LINC00632: variants seen among roughly 807,000 people sequenced by gnomAD.
LINC00632 encodes the protein ALDOA related specific transcript.
At chrX:140,769,771 G>A (rs928044593) in intron 3 of LINC00632, among the ~76,000 whole-genome samples, 2 of 110,261 alleles carry the variant, frequency 1.8e-5, no homozygotes, top group African/African-American at 6.6e-5. Flanking sequence ...CAGCAATTTC[G>A]TGCCTCCGCC....
chrX:140,774,849 G>T (rs1193186112), exon 5 of LINC00632, among the ~76,000 whole-genome samples: 1 of 111,362 alleles, frequency 9.0e-6, no homozygotes, highest in Non-Finnish European at 1.9e-5. Context: ...GGTACTCTGA[G>T]AGTTTCGGGA....
intron 3 of LINC00632, among the ~76,000 whole-genome samples, chrX:140,752,107 G>A (rs776185331): frequency 1.3e-4 from 15 of 111,574 alleles, no homozygotes; most frequent in Non-Finnish European, 2.3e-4. Context: ...CTTTGCCTGT[G>A]GTGCTGCTTT....
At chrX:140,784,199 A>G (rs749411418) in exon 5 of LINC00632, 19 of 1,209,081 alleles carry the variant, frequency 1.6e-5, no homozygotes, top group East Asian at 8.9e-5. Flanking sequence ...CTTCCAGCAA[A>G]TCCACGTCTT....
chrX:140,736,436 CTTT>C (rs748293491), intron 3 of LINC00632, among the ~76,000 whole-genome samples: 61 of 50,054 alleles, frequency 1.2e-3, no homozygotes, highest in African/African-American at 3.3e-3. Flanking sequence ...TCTTCTTCTT[CTTT>C]TTTTTTTTTT....
At chrX:140,772,656 T>C in exon 4 of LINC00632, 1 of 187,052 alleles carries the variant, frequency 5.3e-6, no homozygotes, top group Non-Finnish European at 9.9e-6. Flanking sequence ...CTACACATCA[T>C]ACAATAAAGA....
chrX:140,752,891 A>G (rs772600453), intron 3 of LINC00632, among the ~76,000 whole-genome samples: 1 of 111,582 alleles, frequency 9.0e-6, no homozygotes, highest in Non-Finnish European at 1.9e-5. Flanking sequence ...GCTGAAATTG[A>G]TGGTTGAGGA....
At chrX:140,718,749 A>T (rs764785933) in intron 2 of LINC00632, among the ~76,000 whole-genome samples, 2 of 112,042 alleles carry the variant, frequency 1.8e-5, no homozygotes, top group African/African-American at 6.5e-5. Flanking sequence ...AGCATCTATC[A>T]TATAGAGTTT....
At chrX:140,770,967 T>A (rs985156703) in intron 3 of LINC00632, among the ~76,000 whole-genome samples, 1 of 111,686 alleles carries the variant, frequency 9.0e-6, no homozygotes, top group Non-Finnish European at 1.9e-5. Flanking sequence ...AAGATCAGCT[T>A]GAGGACTCAA....
In LINC00632 at chrX:140,739,508, G is replaced by A. The variant is rs185266894; in HGVS notation, n.191+5544G>A. 3.4e-3 allele frequency among the ~76,000 whole-genome samples: 375 copies of A among 110,774 alleles called. 1 individual carries two copies. The highest frequency in any genetic ancestry group is 0.011 in the African/African-American group (349 of 30,495). On this transcript the variant is annotated intron_variant and non_coding_transcript_variant, in intron 3 of 4. Coordinates refer to ENST00000648200, the Ensembl canonical transcript of LINC00632. ...AGTGCTGGGATCACAGCCGTAAGCC[G>A]CCACCCCCATCCACATGTGAAACTT... is the stretch of plus-strand genomic sequence containing the variant.
At chrX:140,741,292 A>T (rs1188914295) in intron 3 of LINC00632, among the ~76,000 whole-genome samples, 1 of 111,976 alleles carries the variant, frequency 8.9e-6, no homozygotes, top group Non-Finnish European at 1.9e-5. Context: ...TCTGAATTAG[A>T]CTCAGTAGTG....
chrX:140,729,877 C>CTTTTTTTTTT (rs1207034823), intron 2 of LINC00632, among the ~76,000 whole-genome samples: 1 of 90,858 alleles, frequency 1.1e-5, no homozygotes, highest in East Asian at 3.4e-4. Flanking sequence ...TTTCTTTTTT[C>CTTTTTTTTTT]TTTTTTTTTT....
intron 2 of LINC00632, among the ~76,000 whole-genome samples, chrX:140,713,259 A>G (rs1483834384): frequency 9.1e-6 from 1 of 109,509 alleles, no homozygotes; most frequent in Non-Finnish European, 1.9e-5. Flanking sequence ...CTATATGCTC[A>G]CCAGTGACCA....
Position 140,772,482 on chromosome X carries a change from G to C in LINC00632, n.596G>C. Reference sequence around the variant, plus strand: ...GTAAATATGCGTGAGTTAGGGGTGAGAATGGCATGCAAGCAAAAGAACAAG... The same window carrying C: ...GTAAATATGCGTGAGTTAGGGGTGACAATGGCATGCAAGCAAAAGAACAAG... On this transcript the variant is annotated non_coding_transcript_exon_variant, in exon 4 of 5. Transcript: ENST00000648200. 6.8e-6 allele frequency: 2 copies of C among 293,468 alleles called. 1 individual carries two copies. Among genetic ancestry groups the C allele is most frequent in the Non-Finnish European group, 1.2e-5 (2 of 168,424 alleles). 24.2% of individuals were successfully genotyped at this position (293,468 alleles called of 1,213,427 possible).
chrX:140,740,084 T>C (rs1020055049), intron 3 of LINC00632, among the ~76,000 whole-genome samples: 1 of 111,637 alleles, frequency 9.0e-6, no homozygotes, highest in Non-Finnish European at 1.9e-5. Flanking sequence ...TGTTTCCTGG[T>C]TTGGAAGTGG....
chrX:140,788,855 C>CATATATGT, exon 5 of LINC00632, among the ~76,000 whole-genome samples: 1 of 95,130 alleles, frequency 1.1e-5, no homozygotes, highest in Admixed American at 1.2e-4. Context: ...ATGTATATTC[C>CATATATGT]ATATATGCAT....
At chrX:140,723,439 ATACACACACATTC>A (rs1481087376) in intron 2 of LINC00632, among the ~76,000 whole-genome samples, 3 of 1,954 alleles carry the variant, frequency 1.5e-3, no homozygotes, top group African/African-American at 5.0e-3. Flanking sequence ...CATTCCATAC[ATACACACACATTC>A]CACACACACA....
At chrX:140,736,768 G>C (rs1931151637) in intron 3 of LINC00632, among the ~76,000 whole-genome samples, 1 of 110,294 alleles carries the variant, frequency 9.1e-6, no homozygotes, top group Non-Finnish European at 1.9e-5. Context: ...TTTTATGAAA[G>C]AGTCTAAAAA....
intron 3 of LINC00632, among the ~76,000 whole-genome samples, chrX:140,769,720 C>A (rs1337641576): frequency 9.0e-6 from 1 of 110,811 alleles, no homozygotes; most frequent in Non-Finnish European, 1.9e-5. Context: ...TTCAGCCGTC[C>A]TTTGTTTCAG....
exon 5 of LINC00632, among the ~76,000 whole-genome samples, chrX:140,789,332 A>G (rs1188768862): frequency 9.0e-6 from 1 of 110,766 alleles, no homozygotes; most frequent in Non-Finnish European, 1.9e-5. Flanking sequence ...AGTAGGGTGT[A>G]CTGTATTATT....
Sources: gnomAD v4.1 joint callset for allele counts (sites outside exome capture counted in the v4.1 genomes callset) on GRCh38, gnomAD v4.1.1 for gene constraint, MANE v1.5 for transcripts, NCBI Gene and HGNC (gene_info 2026-07-23, HGNC 2026-07-21) for gene names.